Variants in SFPQ observed in about 807,000 individuals in gnomAD.
SFPQ encodes the protein splicing factor, proline- and glutamine-rich.
In SFPQ, 11 loss-of-function variants were observed where a neutral mutation model predicts 72.9. The ratio of observed to expected loss-of-function variants is 0.15; its 90% CI spans 0.09 to 0.25. The LOEUF is 0.25. Among genes scored for constraint, SFPQ ranks in the 10% least tolerant of loss-of-function variants. The pLI is 1.00. For missense variants in SFPQ, 847 were observed against 993.3 expected (o/e 0.85, Z 1.98); for synonymous variants, 506 against 367.3 (o/e 1.38, Z -4.32).
At chr1:35,186,915 T>TA (rs1250975988) in intron 9 of SFPQ, 86 bp downstream of exon 9, 72 of 1,431,324 alleles carry the variant, frequency 5.0e-5, no homozygotes, top group Non-Finnish European at 5.9e-5. Flanking sequence ...GTCACCTACT[T>TA]AAAAAAACAA....
At chr1:35,179,987 G>A (rs1639399847), downstream of SFPQ, 3 of 1,049,988 alleles carry the variant, frequency 2.9e-6, no homozygotes, top group South Asian at 1.4e-4. Flanking sequence ...GGCTAAACTA[G>A]TCATCATTTG....
Position 35,192,900 on chromosome 1 carries a change from G to C in SFPQ, c.150C>G (p.Gly50=). The stretch of plus-strand genomic sequence containing the variant: ...GAGGCTTAGGGCCGCTCTGGCCCGG[G>C]CCAGGACCCATGGGGCCGCGATTCT... ...LNQNRGPMGP[G]PGQSGPKPPI... Residue 50 remains glycine, a synonymous_variant, in exon 1 of 10, where the codon GGC becomes GGG. Transcript: ENST00000357214. The C allele has an allele frequency of 3.2e-6, 5 of 1,576,822 alleles. No individual in the cohort carries two copies. The highest frequency in any genetic ancestry group is 4.3e-6 in the Non-Finnish European group (5 of 1,169,640).
intron 4 of SFPQ, chr1:35,177,436 C>T (rs1255118474): frequency 1.3e-5 from 2 of 152,188 alleles, no homozygotes; most frequent in African/African-American, 2.4e-5. Flanking sequence ...ACTGCAGCCT[C>T]AACCTCCCAG....
At chr1:35,181,727 T>C (rs1639476246), downstream of SFPQ, 1 of 1,060,880 alleles carries the variant, frequency 9.4e-7, no homozygotes, top group Non-Finnish European at 1.1e-6. Flanking sequence ...ATGGCTAAAA[T>C]ACTTCAAAAA....
In SFPQ at chr1:35,192,260, G is replaced by C; in HGVS notation, c.790C>G (p.Pro264Ala). ...ATCTTCTCCTCGCTGCGGCCGCCGGGCCCGCCGGGCGGGGGCCCCTGGTGA... is the reference window on the plus strand; with the variant it reads ...ATCTTCTCCTCGCTGCGGCCGCCGGCCCCGCCGGGCGGGGGCCCCTGGTGA... ...QHHQGPPPGG[P>A]GGRSEEKISD... Residue 264 changes from proline to alanine, a missense_variant, in exon 1 of 10, where the codon CCC (proline) becomes GCC (alanine). Transcript: ENST00000357214. The C allele has an allele frequency of 6.8e-7, 1 of 1,463,252 alleles. No individual in the cohort carries two copies. Among genetic ancestry groups the C allele is most frequent in the Non-Finnish European group, 9.0e-7 (1 of 1,115,036 alleles). The allele number at this position is 1,463,252 out of a possible 1,614,324, so 90.6% of individuals were successfully genotyped here.
At chr1:35,177,044 T>G (rs1639274435) in intron 5 of SFPQ, among the ~76,000 whole-genome samples, 1 of 151,882 alleles carries the variant, frequency 6.6e-6, no homozygotes, top group South Asian at 2.1e-4. Flanking sequence ...GGTCAAACCC[T>G]GTCTCTACTA....
Position 35,184,423 on chromosome 1 carries a change from AAAC to A in SFPQ, c.*30_*32del, listed in dbSNP as rs770406589. ...AGATTGGTATCTAAACAAAAAAACA[AAAC>A]AAACTGGAATGAAAGCCTAAATATC... On this transcript the variant is annotated 3_prime_UTR_variant, in exon 10 of 10. Transcript: ENST00000357214. The A allele has an allele frequency of 1.4e-5, 22 of 1,592,692 alleles. No homozygotes were observed. Among genetic ancestry groups the A allele is most frequent in the African/African-American group, 1.1e-4 (8 of 73,474 alleles).
At chr1:35,180,761 T>C (rs1639433143), downstream of SFPQ, 3 of 1,061,248 alleles carry the variant, frequency 2.8e-6, no homozygotes, top group Non-Finnish European at 2.3e-6. Flanking sequence ...AATTATCACA[T>C]GCTATACGGT....
chr1:35,179,979 C>T (rs1639399229), downstream of SFPQ: 1 of 1,051,038 alleles, frequency 9.5e-7, no homozygotes, highest in African/African-American at 1.7e-5. Context: ...TATGCAGAGG[C>T]TAAACTAGTC....
downstream of SFPQ, chr1:35,179,196 A>G (rs909886973): frequency 1.5e-4 from 163 of 1,060,932 alleles, no homozygotes; most frequent in Non-Finnish European, 1.8e-4. Flanking sequence ...AAGGCAGTAA[A>G]TGCAGGACTG....
At position 35,187,014 on chromosome 1, in the gene SFPQ, ATCATGGAACCAC is replaced by A; in HGVS notation, c.1961_1972del (p.Ser654_Met657del). The A allele has an allele frequency of 6.2e-7, 1 of 1,613,792 alleles. No individual in the cohort carries two copies. The highest frequency in any genetic ancestry group is 8.5e-7 in the Non-Finnish European group (1 of 1,179,720). ...AGGATACATTACCATGTCACTTCCCATCATGGAACCACTCATGGTTGCTGGTGGAACGCCAGG... is the reference window on the plus strand; with the variant it reads ...AGGATACATTACCATGTCACTTCCCATCATGGTTGCTGGTGGAACGCCAGG... On this transcript the variant is annotated inframe_deletion, in exon 9 of 10. Coordinates refer to ENST00000357214, the MANE Select transcript of SFPQ (RefSeq NM_005066.3).
Position 35,192,457 on chromosome 1 carries a change from G to A in SFPQ, c.593C>T (p.Pro198Leu). The A allele has an allele frequency of 1.5e-6, 2 of 1,365,316 alleles. No individual in the cohort carries two copies. The highest frequency in any genetic ancestry group is 1.9e-6 in the Non-Finnish European group (2 of 1,067,824). The allele number at this position is 1,365,316 out of a possible 1,614,324, so 84.6% of individuals were successfully genotyped here. A position where few individuals can be genotyped will look rare whatever the true frequency, so the allele number is the denominator to read the frequency against. The change falls in exon 1 of 10, where the codon CCT (proline) becomes CTT (leucine). Residue 198 changes from proline to leucine, a missense_variant. Physicochemically the swap from Pro to Leu is moderately conservative, Grantham distance 98 (BLOSUM62 -3). Coordinates refer to ENST00000357214, the MANE Select transcript of SFPQ (RefSeq NM_005066.3). ...PAAVPGPGPG[P>L]KQGPGPGGPK... is the part of the protein sequence containing the mutation. ...ACCACCCGGACCTGGGCCCTGCTTA[G>A]GCCCTGGACCCGGGCCCGGGACTGC...
chr1:35,183,716 C>T lies in SFPQ; in HGVS notation c.*740G>A, dbSNP rs1224410057. On this transcript the variant is annotated 3_prime_UTR_variant, in exon 10 of 10. Transcript: ENST00000357214. ...GGGGAAATGCAACAAAATGACCTTT[C>T]CACTTTTCAAAAGCTTTCAAGTAAA... The T allele has an allele frequency of 1.7e-5, 18 of 1,046,008 alleles. No individual in the cohort carries two copies. Among genetic ancestry groups the T allele is most frequent in the Non-Finnish European group, 1.7e-5 (15 of 866,908 alleles). 64.8% of individuals were successfully genotyped at this position (1,046,008 alleles called of 1,614,324 possible).
At chr1:35,177,283 A>C (rs1639285417) in intron 5 of SFPQ, 1 of 152,198 alleles carries the variant, frequency 6.6e-6, no homozygotes, top group South Asian at 2.1e-4. Flanking sequence ...GGCCTTTCTG[A>C]AGACAGTTTA....
chr1:35,193,002 G>A lies in SFPQ; in HGVS notation c.48C>T (p.Phe16=), dbSNP rs775051928. 1.7e-5 allele frequency: 26 copies of A among 1,561,920 alleles called. No homozygotes were observed. The highest frequency in any genetic ancestry group is 2.2e-5 in the Non-Finnish European group (26 of 1,161,336). Reference sequence around the variant, plus strand: ...GGCCGCCGCCTCCTCCACGCCTGTGGAAGCCACCACCGCCACCGCCACGAC... The same window carrying A: ...GGCCGCCGCCTCCTCCACGCCTGTGAAAGCCACCACCGCCACCGCCACGAC... ...FRSRGGGGGG[F]HRRGGGGGRG... is the part of the protein sequence containing the mutation. The change falls in exon 1 of 10, where the codon TTC becomes TTT. Residue 16 remains phenylalanine (F), a synonymous_variant. Transcript: ENST00000357214.
In SFPQ at chr1:35,190,711, A is replaced by G; in HGVS notation, c.1302T>C (p.Gly434=). Residue 434 remains glycine (G), a synonymous_variant, in exon 3 of 10, where the codon GGT becomes GGC. Coordinates refer to ENST00000357214, the MANE Select transcript of SFPQ (RefSeq NM_005066.3). The part of the protein sequence containing the change: ...ARKAFERCSE[G]VFLLTTTPRP... Reference sequence around the variant, plus strand: ...CAACTTACGTCGTCAGTAAGAAAACACCTTCACTGCATCGTTCAAATGCCT... The same window carrying G: ...CAACTTACGTCGTCAGTAAGAAAACGCCTTCACTGCATCGTTCAAATGCCT... The G allele has an allele frequency of 2.5e-6, 4 of 1,613,962 alleles. No homozygotes were observed. The highest frequency in any genetic ancestry group is 3.4e-6 in the Non-Finnish European group (4 of 1,179,890).
chr1:35,178,505 C>T (rs1187021614), downstream of SFPQ: 3 of 1,063,050 alleles, frequency 2.8e-6, no homozygotes, highest in Non-Finnish European at 3.4e-6. Context: ...ACTCCCCTTC[C>T]CACAGTACAC....
At chr1:35,186,661 T>C (rs1435285787) in intron 9 of SFPQ, among the ~76,000 whole-genome samples, 2 of 152,206 alleles carry the variant, frequency 1.3e-5, no homozygotes, top group African/African-American at 4.8e-5. Context: ...CTCACTTGGA[T>C]GTAGAATAAT....
At chr1:35,181,195 T>C (rs1011083173), downstream of SFPQ, 3 of 1,065,496 alleles carry the variant, frequency 2.8e-6, no homozygotes, top group Non-Finnish European at 2.3e-6. Context: ...CGGGTCCTAA[T>C]GTCCATTGCC....
Sources: gnomAD v4.1 joint callset for allele counts (sites outside exome capture counted in the v4.1 genomes callset) on GRCh38, gnomAD v4.1.1 for gene constraint, MANE v1.5 for transcripts, NCBI Gene and HGNC (gene_info 2026-07-23, HGNC 2026-07-21) for gene names.